CTNNA2: variants seen among roughly 807,000 people sequenced by gnomAD.
CTNNA2 encodes the protein catenin alpha-2.
A neutral mutation model predicts 101.0 loss-of-function variants in CTNNA2; 42 were observed. The ratio of observed to expected loss-of-function variants is 0.42; its 90% CI spans 0.32 to 0.54. The LOEUF (loss-of-function observed/expected upper bound fraction) is 0.54. Among genes scored for constraint, CTNNA2 ranks in the 20% least tolerant of loss-of-function variants. CTNNA2 has a pLI of 0.14. For synonymous variants in CTNNA2, 450 were observed against 456.4 expected (o/e 0.99, Z 0.18); for missense variants, 871 against 1,223.1 (o/e 0.71, Z 4.29).
At chr2:79,815,819 A>T (rs1677446330) in intron 3 of CTNNA2, among the ~76,000 whole-genome samples, 1 of 151,580 alleles carries the variant, frequency 6.6e-6, no homozygotes, top group Admixed American at 6.6e-5. Context: ...TTTTGATGGG[A>T]ATTGCATTGA....
In CTNNA2 at chr2:80,303,511, G is replaced by C. The variant is rs138746641; in HGVS notation, c.1057-89700G>C. On this transcript the variant is annotated intron_variant, in intron 7 of 18. Transcript: ENST00000402739. The surrounding 1 kb of genome is among the most constrained non-coding windows in gnomAD (Gnocchi z 7.7). ...GTTTCTGAAAGGCGTCCCCCTGCAC[G>C]GAGCAGATGTGATTGTGATCCAGAT... is the stretch of plus-strand genomic sequence containing the variant. The C allele has an allele frequency of 8.1e-6, 13 of 1,614,122 alleles. No homozygotes were observed. Among genetic ancestry groups the C allele is most frequent in the African/African-American group, 6.7e-5 (5 of 74,942 alleles).
chr2:79,268,805 AAC>A (rs1257855531), intron 2 of CTNNA2, among the ~76,000 whole-genome samples: 1 of 152,132 alleles, frequency 6.6e-6, no homozygotes, highest in Non-Finnish European at 1.5e-5. Context: ...TTGGTGTGAC[AAC>A]AGAGGAGAAA....
chr2:80,395,802 C>T (rs1677959038), intron 8 of CTNNA2, among the ~76,000 whole-genome samples: 1 of 152,214 alleles, frequency 6.6e-6, no homozygotes, highest in African/African-American at 2.4e-5. Context: ...TGATCATGTC[C>T]ACTTCCCTGT....
chr2:80,118,646 A>G (rs1701658189), intron 7 of CTNNA2, among the ~76,000 whole-genome samples: 2 of 152,236 alleles, frequency 1.3e-5, no homozygotes, highest in Admixed American at 1.3e-4. Context: ...ATTTCTATGA[A>G]GCCAATTCAT....
At chr2:80,205,443 C>T (rs542533512) in intron 7 of CTNNA2, among the ~76,000 whole-genome samples, 45 of 152,222 alleles carry the variant, frequency 3.0e-4, no homozygotes, top group Middle Eastern at 3.4e-3. Context: ...TTGACACTGA[C>T]GGTCCAGAGG....
chr2:80,513,358 G>C lies in CTNNA2; in HGVS notation c.1291-31624G>C, dbSNP rs551964730. On this transcript the variant is annotated intron_variant, in intron 9 of 18. Coordinates refer to ENST00000402739, the MANE Select transcript of CTNNA2 (RefSeq NM_001282597.3). The stretch of plus-strand genomic sequence containing the variant: ...CTTTATTTTTCAAGAAATAACAGTT[G>C]TTTAGCTGGGCTTTAGCAAATGTGT... Among the ~76,000 whole-genome samples the C allele has an allele frequency of 2.6e-5, 4 of 152,284 alleles. No homozygotes were observed. In the East Asian group the frequency reaches 7.7e-4, roughly 29 times the overall value.
Position 80,608,179 on chromosome 2 carries a change from T to A in CTNNA2, c.2296-5T>A. The A allele has an allele frequency of 6.2e-7, 1 of 1,606,168 alleles. No individual in the cohort carries two copies. The highest frequency in any genetic ancestry group is 8.5e-7 in the Non-Finnish European group (1 of 1,174,476). On this transcript the variant is annotated splice_polypyrimidine_tract_variant and splice_region_variant and intron_variant, in intron 16 of 18. Coordinates refer to ENST00000402739, the MANE Select transcript of CTNNA2 (RefSeq NM_001282597.3). The stretch of plus-strand genomic sequence containing the variant: ...AATCAAGATCACTCTTTTAATGTTT[T>A]ATAGTGTCCTGATTCAGCATGTAAG...
intron 8 of CTNNA2, among the ~76,000 whole-genome samples, chr2:80,394,511 A>G (rs1677820658): frequency 1.3e-5 from 2 of 152,206 alleles, no homozygotes; most frequent in African/African-American, 4.8e-5. Flanking sequence ...CCTTTTAGGT[A>G]TTAGTAACTA....
intron 3 of CTNNA2, among the ~76,000 whole-genome samples, chr2:79,354,086 C>T (rs528904774): frequency 6.6e-6 from 1 of 152,204 alleles, no homozygotes; most frequent in African/African-American, 2.4e-5. Context: ...CTGGCCCTCC[C>T]TCTAGCAGTT....
chr2:80,501,769 A>G (rs941377249), intron 9 of CTNNA2, among the ~76,000 whole-genome samples: 1 of 152,150 alleles, frequency 6.6e-6, no homozygotes, highest in Non-Finnish European at 1.5e-5. Flanking sequence ...GATCTATCCC[A>G]AAAGGTGCTC....
chr2:79,779,618 A>G (rs990207472), intron 3 of CTNNA2, among the ~76,000 whole-genome samples: 1 of 152,192 alleles, frequency 6.6e-6, no homozygotes, highest in Admixed American at 6.5e-5. Context: ...AAATGTAAAC[A>G]GACATTTTAG....
intron 9 of CTNNA2, among the ~76,000 whole-genome samples, chr2:80,452,476 C>T (rs1227134800): frequency 6.6e-6 from 1 of 151,486 alleles, no homozygotes; most frequent in Non-Finnish European, 1.5e-5. Flanking sequence ...CATCTGTTTC[C>T]TAAATCAGTC....
intron 7 of CTNNA2, among the ~76,000 whole-genome samples, chr2:79,916,577 CT>C (rs35271371): frequency 2.6e-5 from 1 of 37,852 alleles, no homozygotes; most frequent in Non-Finnish European, 4.2e-5. Flanking sequence ...CTCCCTTCTC[CT>C]TTTTTTTTTT....
intron 7 of CTNNA2, among the ~76,000 whole-genome samples, chr2:80,359,538 T>A (rs1049376902): frequency 6.6e-6 from 1 of 152,024 alleles, no homozygotes; most frequent in African/African-American, 2.4e-5. Context: ...TCACATGAGA[T>A]CTGATTGTTT....
At chr2:79,213,810 A>G (rs532178285) in intron 2 of CTNNA2, among the ~76,000 whole-genome samples, 8 of 152,336 alleles carry the variant, frequency 5.3e-5, no homozygotes, top group South Asian at 4.1e-4. Context: ...AGCAGAAAGT[A>G]TATGCGTCAG....
intron 1 of CTNNA2, among the ~76,000 whole-genome samples, chr2:79,629,957 G>A (rs1361235599): frequency 6.6e-6 from 1 of 152,090 alleles, no homozygotes; most frequent in Non-Finnish European, 1.5e-5. Context: ...AAAGCAGCCA[G>A]CTCCTTTCTT....
intron 9 of CTNNA2, among the ~76,000 whole-genome samples, chr2:80,456,931 G>A (rs1384321937): frequency 1.3e-5 from 2 of 152,122 alleles, no homozygotes; most frequent in African/African-American, 4.8e-5. Context: ...GCACAGTGGG[G>A]TGACTATAGT....
chr2:79,265,231 G>T (rs1445965997), intron 2 of CTNNA2, among the ~76,000 whole-genome samples: 4 of 152,106 alleles, frequency 2.6e-5, no homozygotes, highest in African/African-American at 9.7e-5. Flanking sequence ...ACAACATATG[G>T]CAAAAAGCCA....
In CTNNA2 at chr2:79,280,701, G is replaced by GAGAGAGAGAGAC. The variant is rs142826852; in HGVS notation, c.-405-32007_-405-32006insGAGAGAGAGACA. ...AGAGAGAGAAAGAGAGAGAGAGAGA[G>GAGAGAGAGAGAC]ACCTATAGCTCCCAGATCTCTTTGG... On this transcript the variant is annotated intron_variant, in intron 2 of 21. Coordinates refer to the CTNNA2 transcript ENST00000466387. 2.7e-4 allele frequency among the ~76,000 whole-genome samples: 40 copies of GAGAGAGAGAGAC among 147,370 alleles called. 1 individual carries two copies. Among genetic ancestry groups the GAGAGAGAGAGAC allele is most frequent in the East Asian group, 1.4e-3 (7 of 4,874 alleles).
Sources: gnomAD v4.1 joint callset for allele counts (sites outside exome capture counted in the v4.1 genomes callset) on GRCh38, gnomAD v4.1.1 for gene constraint, Gnocchi (gnomAD v3.1) non-coding constraint, MANE v1.5 for transcripts, NCBI Gene and HGNC (gene_info 2026-07-23, HGNC 2026-07-21) for gene names.